INO80C: variants seen among roughly 807,000 people sequenced by gnomAD.
INO80C encodes the protein IES6 homolog.
INO80C carries 17 observed loss-of-function variants against 17.7 expected under a neutral mutation model. The ratio of observed to expected loss-of-function variants is 0.96; its 90% CI spans 0.66 to 1.44. INO80C has a LOEUF of 1.44. INO80C is among the 40% of genes most tolerant of loss of function. The pLI, the probability that INO80C is intolerant of heterozygous loss-of-function variation, is 0.00. For synonymous variants in INO80C, 96 were observed against 95.8 expected (o/e 1.00, Z -0.01); for missense variants, 244 against 245.0 (o/e 1.00, Z 0.03).
At chr18:35,480,208 C>T (rs2045790019) in intron 2 of INO80C, among the ~76,000 whole-genome samples, 1 of 152,152 alleles carries the variant, frequency 6.6e-6, no homozygotes, top group Non-Finnish European at 1.5e-5. Context: ...ATGGAAATGT[C>T]CCACCCTCCA....
chr18:35,476,671 C>G (rs2045740837), intron 4 of INO80C, among the ~76,000 whole-genome samples: 1 of 152,088 alleles, frequency 6.6e-6, no homozygotes, highest in Admixed American at 6.6e-5. Context: ...GATGAATAGC[C>G]TAAGGACAAC....
chr18:35,489,296 G>T, intron 1 of INO80C: 1 of 271,184 alleles, frequency 3.7e-6, no homozygotes, highest in Non-Finnish European at 7.3e-6. Context: ...CTAAGACTGG[G>T]TAAATTATAA....
chr18:35,473,990 A>G (rs891188770), intron 4 of INO80C, among the ~76,000 whole-genome samples: 2 of 151,922 alleles, frequency 1.3e-5, no homozygotes, highest in African/African-American at 4.8e-5. Context: ...TATATCATCC[A>G]TAATGTCCAG....
In INO80C at chr18:35,480,545, T is replaced by C. The variant is rs1449042382; in HGVS notation, c.175A>G (p.Met59Val). Residue 59 changes from methionine (M) to valine (V), a missense_variant, in exon 2 of 5, where the codon ATG becomes GTG. Physicochemically the swap from Met to Val is conservative, Grantham distance 21. Transcript: ENST00000334598. ...SFAQGISMEA[M>V]SENKMVPSEF... ...GAGGGCACCATTTTATTCTCACTCA[T>C]GGCTTCCATGCTGATACCCTTAAAA... 2 of 1,612,584 alleles carry C rather than the reference T, an allele frequency of 1.2e-6. No individual in the cohort carries two copies. The highest frequency in any genetic ancestry group is 1.7e-6 in the Non-Finnish European group (2 of 1,178,490).
intron 1 of INO80C, among the ~76,000 whole-genome samples, chr18:35,492,167 T>C (rs1482304273): frequency 1.3e-5 from 2 of 152,256 alleles, no homozygotes; most frequent in African/African-American, 2.4e-5. Flanking sequence ...TCAAGTTATA[T>C]CTATGTCATA....
chr18:35,482,731 C>T (rs2045826160), intron 1 of INO80C, among the ~76,000 whole-genome samples: 1 of 152,162 alleles, frequency 6.6e-6, no homozygotes, highest in South Asian at 2.1e-4. Flanking sequence ...CCACAGTGAT[C>T]TATCTCTTCC....
At chr18:35,497,683 G>T in intron 1 of INO80C, 36 bp downstream of exon 1, 1 of 1,592,226 alleles carries the variant, frequency 6.3e-7, no homozygotes, top group South Asian at 1.1e-5. Flanking sequence ...CCCGTTTCGC[G>T]ACGCGCACGC....
intron 1 of INO80C, chr18:35,487,624 T>TA: frequency 6.2e-6 from 1 of 161,446 alleles, no homozygotes; most frequent in Non-Finnish European, 1.4e-5. Flanking sequence ...GGAGCTACAA[T>TA]TCAAGATGAG....
At chr18:35,487,623 A>G (rs2045890606) in intron 1 of INO80C, 1 of 161,362 alleles carries the variant, frequency 6.2e-6, no homozygotes, top group African/African-American at 2.4e-5. Flanking sequence ...GGGAGCTACA[A>G]TTCAAGATGA....
intron 1 of INO80C, 87 bp from the exon 2 acceptor site, chr18:35,480,650 G>T: frequency 9.9e-7 from 1 of 1,008,350 alleles, no homozygotes; most frequent in Non-Finnish European, 1.6e-6. Flanking sequence ...ATACGATGAT[G>T]CCACAGGGCA....
chr18:35,478,478 G>A, intron 3 of INO80C, 129 bp from the exon 4 acceptor site: 1 of 718,458 alleles, frequency 1.4e-6, no homozygotes, highest in Admixed American at 2.9e-5. Flanking sequence ...AGTCACAGAA[G>A]TCTCTGGAGA....
Position 35,480,559 on chromosome 18 carries a change from A to G in INO80C, c.161T>C (p.Ile54Thr). The change falls in exon 2 of 5, where the codon ATC (isoleucine) becomes ACC (threonine). Residue 54 changes from isoleucine to threonine, a missense_variant. Coordinates refer to ENST00000334598, the MANE Select transcript of INO80C (RefSeq NM_194281.4). The part of the protein sequence containing the change: ...KASASSFAQG[I>T]SMEAMSENKM... ...ATTCTCACTCATGGCTTCCATGCTG[A>G]TACCCTTAAAACATAATAAAAATAG... The G allele has an allele frequency of 6.2e-7, 1 of 1,604,036 alleles. No homozygotes were observed. Among genetic ancestry groups the G allele is most frequent in the East Asian group, 2.2e-5 (1 of 44,828 alleles).
At chr18:35,478,250 T>C in intron 4 of INO80C, 32 bp downstream of exon 4, 2 of 1,453,178 alleles carry the variant, frequency 1.4e-6, no homozygotes, top group South Asian at 2.4e-5. Flanking sequence ...ATCTTTTCCA[T>C]TTAATGTTAT....
intron 4 of INO80C, among the ~76,000 whole-genome samples, chr18:35,469,374 GTCCTCAGTGCAGC>G (rs2045642582): frequency 6.6e-6 from 1 of 152,200 alleles, no homozygotes; most frequent in African/African-American, 2.4e-5. Flanking sequence ...AAAGGCCCAA[GTCCTCAGTGCAGC>G]TCCTCAGCTA....
chr18:35,485,363 C>CAACAACAA (rs1234897604), intron 1 of INO80C, among the ~76,000 whole-genome samples: 4 of 152,080 alleles, frequency 2.6e-5, no homozygotes, highest in Non-Finnish European at 5.9e-5. Context: ...CTCTACAACT[C>CAACAACAA]AACAACAAAA....
chr18:35,485,486 A>C (rs2045862635), intron 1 of INO80C, among the ~76,000 whole-genome samples: 1 of 152,220 alleles, frequency 6.6e-6, no homozygotes, highest in Non-Finnish European at 1.5e-5. Flanking sequence ...AATGTAAATC[A>C]AAATCACAAT....
At chr18:35,495,312 G>C (rs1240734247) in intron 1 of INO80C, among the ~76,000 whole-genome samples, 3 of 152,186 alleles carry the variant, frequency 2.0e-5, no homozygotes, top group African/African-American at 7.2e-5. Flanking sequence ...CTACTTGGGA[G>C]GCTGAGGTGG....
chr18:35,470,915 C>T (rs2045662115), intron 4 of INO80C, among the ~76,000 whole-genome samples: 1 of 152,192 alleles, frequency 6.6e-6, no homozygotes, highest in Non-Finnish European at 1.5e-5. Context: ...CGCCAACTTC[C>T]CACAGGGAAG....
At chr18:35,473,812 C>A (rs2045698949) in intron 4 of INO80C, among the ~76,000 whole-genome samples, 1 of 152,056 alleles carries the variant, frequency 6.6e-6, no homozygotes, top group Non-Finnish European at 1.5e-5. Flanking sequence ...GTAAGACTGG[C>A]AGAGGATAAA....
Sources: gnomAD v4.1 joint callset for allele counts (sites outside exome capture counted in the v4.1 genomes callset) on GRCh38, gnomAD v4.1.1 for gene constraint, MANE v1.5 for transcripts, NCBI Gene and HGNC (gene_info 2026-07-23, HGNC 2026-07-21) for gene names.